Variants in ANO3 observed in about 807,000 individuals in gnomAD.
The protein encoded by ANO3 is anoctamin-3.
Under a neutral mutation model 144.8 loss-of-function variants are expected in ANO3, and 99 were observed. That is an observed-to-expected ratio of 0.68 (90% confidence interval 0.58 to 0.81). The LOEUF is 0.81. Ranked by LOEUF, ANO3 falls within the 30% of genes least tolerant of loss-of-function variation. The probability of loss-of-function intolerance (pLI) is 0.00; values close to 1 mark genes in which losing one functional copy is unlikely to be tolerated. For missense variants in ANO3, 905 were observed against 1,202.2 expected (o/e 0.75, Z 3.66); for synonymous variants, 414 against 392.6 (o/e 1.05, Z -0.64).
chr11:26,270,495 T>C (rs938287369), intron 1 of ANO3, among the ~76,000 whole-genome samples: 2 of 152,220 alleles, frequency 1.3e-5, no homozygotes, highest in Non-Finnish European at 2.9e-5. Flanking sequence ...GATCAAAATC[T>C]CTCTCTTTTT....
intron 1 of ANO3, among the ~76,000 whole-genome samples, chr11:26,234,908 A>T (rs1852481733): frequency 6.6e-6 from 1 of 152,022 alleles, no homozygotes. Context: ...CCTGAGGGCC[A>T]GAAGTGCCAA....
chr11:26,534,303 T>G (rs1849448059), intron 8 of ANO3, among the ~76,000 whole-genome samples, 153 bp from the exon 9 acceptor site: 1 of 152,236 alleles, frequency 6.6e-6, no homozygotes, highest in Non-Finnish European at 1.5e-5. Flanking sequence ...GTATTATTTA[T>G]GAATTCTTTT....
intron 1 of ANO3, among the ~76,000 whole-genome samples, chr11:26,200,516 C>T (rs1564914212): frequency 1.3e-5 from 2 of 152,136 alleles, no homozygotes; most frequent in Non-Finnish European, 2.9e-5. Context: ...TTCTGTGCCA[C>T]ACTGGGTTAA....
chr11:26,267,184 G>GCA (rs373864169), intron 1 of ANO3, among the ~76,000 whole-genome samples: 4,672 of 147,538 alleles, frequency 0.032, 85 homozygotes, highest in East Asian at 0.12. Flanking sequence ...ACGCACGCAC[G>GCA]CACACACACA....
chr11:26,579,438 C>G (rs1851073753), intron 14 of ANO3, among the ~76,000 whole-genome samples: 1 of 152,086 alleles, frequency 6.6e-6, no homozygotes, highest in African/African-American at 2.4e-5. Context: ...TATTCATGAC[C>G]TGAAGAAGAT....
At chr11:26,385,562 A>G (rs1856701997) in intron 1 of ANO3, among the ~76,000 whole-genome samples, 1 of 152,016 alleles carries the variant, frequency 6.6e-6, no homozygotes, top group Non-Finnish European at 1.5e-5. Context: ...GCAGTGTAGC[A>G]TCCTCAAATC....
chr11:26,263,191 T>C (rs1853232928), intron 1 of ANO3, among the ~76,000 whole-genome samples: 1 of 152,202 alleles, frequency 6.6e-6, no homozygotes, highest in Non-Finnish European at 1.5e-5. Context: ...CACATGAAAA[T>C]GAATCAAGAT....
chr11:26,587,024 G>A (rs1851306427), intron 14 of ANO3, among the ~76,000 whole-genome samples: 1 of 152,124 alleles, frequency 6.6e-6, no homozygotes, highest in Admixed American at 6.5e-5. Context: ...CAAGATGGCA[G>A]CTCAACCCCT....
intron 1 of ANO3, among the ~76,000 whole-genome samples, chr11:26,222,967 C>T (rs1205583514): frequency 6.6e-6 from 1 of 152,084 alleles, no homozygotes; most frequent in Non-Finnish European, 1.5e-5. Flanking sequence ...TATTAGCTGT[C>T]AGCTCCCTTT....
intron 14 of ANO3, among the ~76,000 whole-genome samples, chr11:26,584,245 G>A (rs561921104): frequency 6.6e-6 from 1 of 151,858 alleles, no homozygotes; most frequent in African/African-American, 2.4e-5. Flanking sequence ...TGCAACCTCC[G>A]CCTCCTGTGT....
At chr11:26,263,844 A>G (rs75600861) in intron 1 of ANO3, among the ~76,000 whole-genome samples, 3,048 of 152,310 alleles carry the variant, frequency 0.02, 62 homozygotes, top group East Asian at 0.12. Context: ...ATGAATGGAC[A>G]CATGAGTATC....
intron 1 of ANO3, among the ~76,000 whole-genome samples, chr11:26,191,722 T>C (rs1345687555): frequency 6.6e-6 from 1 of 152,220 alleles, no homozygotes; most frequent in African/African-American, 2.4e-5. Flanking sequence ...TAATCTTCAA[T>C]AATTATTTTC....
intron 17 of ANO3, among the ~76,000 whole-genome samples, chr11:26,606,726 TG>T (rs1851947731): frequency 6.6e-6 from 1 of 152,208 alleles, no homozygotes; most frequent in African/African-American, 2.4e-5. Context: ...TTATCAAATT[TG>T]CCAGTTTGTG....
intron 14 of ANO3, among the ~76,000 whole-genome samples, chr11:26,573,603 G>GT (rs1850909672): frequency 6.6e-6 from 1 of 152,100 alleles, no homozygotes; most frequent in South Asian, 2.1e-4. Context: ...CTTAACCATA[G>GT]TAATTATGGC....
At chr11:26,519,532 T>C (rs1028737907) in intron 6 of ANO3, among the ~76,000 whole-genome samples, 1 of 152,176 alleles carries the variant, frequency 6.6e-6, no homozygotes, top group East Asian at 1.9e-4. Flanking sequence ...CATTTACTTG[T>C]CACAGTTCTG....
At chr11:26,503,347 T>C (rs1002805737) in intron 4 of ANO3, among the ~76,000 whole-genome samples, 2 of 152,162 alleles carry the variant, frequency 1.3e-5, no homozygotes, top group East Asian at 3.8e-4. Context: ...CAAGAAGCTG[T>C]ATTCTTTTTA....
chr11:26,466,130 G>A (rs1461366368), intron 4 of ANO3, among the ~76,000 whole-genome samples: 1 of 151,752 alleles, frequency 6.6e-6, no homozygotes, highest in Non-Finnish European at 1.5e-5. Context: ...GGTACTTTAG[G>A]ACCAATATGG....
At chr11:26,224,588 A>C (rs1323907259) in intron 1 of ANO3, among the ~76,000 whole-genome samples, 7 of 152,210 alleles carry the variant, frequency 4.6e-5, no homozygotes, top group Admixed American at 4.6e-4. Context: ...GCCCAGGGCC[A>C]CATTTTTACT....
At chr11:26,327,950 C>T (rs11029520), upstream of ANO3, among the ~76,000 whole-genome samples, 1,147 of 152,364 alleles carry the variant, frequency 7.5e-3, 7 homozygotes, top group Non-Finnish European at 0.012. Context: ...TCATCACCTC[C>T]TTTGTCCCAC....
Sources: allele counts gnomAD v4.1 joint callset (sites outside exome capture counted in the v4.1 genomes callset), GRCh38; gene constraint gnomAD v4.1.1; transcripts MANE v1.5; gene names NCBI Gene and HGNC (gene_info 2026-07-23, HGNC 2026-07-21).